ZFAT: variants seen among roughly 807,000 people sequenced by gnomAD.
ZFAT encodes the protein zinc finger and AT-hook domain containing.
In ZFAT, 64 loss-of-function variants were observed where a neutral mutation model predicts 117.7. That is an observed-to-expected ratio of 0.54 (90% CI 0.44 to 0.67). The LOEUF (loss-of-function observed/expected upper bound fraction) is 0.67, where lower values mean the gene tolerates loss of function less well. ZFAT is among the 30% of genes least tolerant of loss of function. The pLI is 0.00. For synonymous variants in ZFAT, 679 were observed against 615.0 expected, an observed-to-expected ratio of 1.10 and a Z score of -1.54; for missense variants, 1,433 against 1,584.5, an observed-to-expected ratio of 0.90 and a Z score of 1.62.
intron 4 of ZFAT, among the ~76,000 whole-genome samples, chr8:134,609,829 T>C (rs1489834225): frequency 1.3e-5 from 2 of 152,230 alleles, no homozygotes; most frequent in Non-Finnish European, 2.9e-5. Flanking sequence ...TGGAAATTTC[T>C]AGTATTATAT....
intron 1 of ZFAT, among the ~76,000 whole-genome samples, chr8:134,658,503 G>A (rs906614513): frequency 5.3e-5 from 8 of 152,040 alleles, no homozygotes; most frequent in African/African-American, 1.5e-4. Flanking sequence ...TCAATGAAAC[G>A]GCAGGAATTT....
At position 134,600,768 on chromosome 8, in the gene ZFAT, T is replaced by G. The variant is rs1239883030; in HGVS notation, c.2243-100A>C. The G allele has an allele frequency of 1.5e-5, 15 of 975,946 alleles. No individual in the cohort carries two copies. The South Asian group carries it at 2.7e-4, about 17-fold the overall frequency. The allele number at this position is 975,946 out of a possible 1,614,324, so 60.5% of individuals were successfully genotyped here. On this transcript the variant is annotated intron_variant, in intron 6 of 15. Transcript: ENST00000377838. ...TTTTTATCTACAATATCTATCTCCC[T>G]CTTGCGCTTGTCCGGGTCACCCTTC... is the stretch of plus-strand genomic sequence containing the variant.
chr8:134,643,005 G>C (rs1017570228), intron 2 of ZFAT, among the ~76,000 whole-genome samples: 13 of 152,334 alleles, frequency 8.5e-5, no homozygotes, highest in South Asian at 4.1e-4. Context: ...TCCCAAGCTT[G>C]CTCCTTGTAC....
upstream of ZFAT, among the ~76,000 whole-genome samples, chr8:134,714,337 T>C (rs1814165394): frequency 6.6e-6 from 1 of 152,138 alleles, no homozygotes; most frequent in Non-Finnish European, 1.5e-5. Context: ...ATCCCCCACT[T>C]CTCTGTTTGC....
At chr8:134,608,021 A>G (rs892429996) in intron 5 of ZFAT, among the ~76,000 whole-genome samples, 2 of 152,236 alleles carry the variant, frequency 1.3e-5, no homozygotes, top group Admixed American at 1.3e-4. Context: ...CCAAAACATT[A>G]ATCACTGCAT....
At chr8:134,703,346 G>C (rs1282132976) in intron 1 of ZFAT, among the ~76,000 whole-genome samples, 1 of 152,072 alleles carries the variant, frequency 6.6e-6, no homozygotes, top group Non-Finnish European at 1.5e-5. Context: ...AATTAGTTTT[G>C]TCTGCCTTAC....
At chr8:134,650,201 C>T (rs952738357) in intron 2 of ZFAT, among the ~76,000 whole-genome samples, 17 of 151,320 alleles carry the variant, frequency 1.1e-4, no homozygotes, top group Non-Finnish European at 2.4e-4. Flanking sequence ...TGGCTCACTG[C>T]AACCTCTGCC....
intron 1 of ZFAT, among the ~76,000 whole-genome samples, chr8:134,665,650 G>T (rs1832175740): frequency 6.6e-6 from 1 of 152,202 alleles, no homozygotes; most frequent in African/African-American, 2.4e-5. Flanking sequence ...ATAGAATACA[G>T]ACAGCCCCCG....
At chr8:134,639,576 G>A (rs1338458529) in intron 2 of ZFAT, among the ~76,000 whole-genome samples, 1 of 152,194 alleles carries the variant, frequency 6.6e-6, no homozygotes, top group East Asian at 1.9e-4. Context: ...AAAAGCCTGT[G>A]TTTACAGGAG....
At chr8:134,499,664 T>C (rs2130253802) in intron 15 of ZFAT, among the ~76,000 whole-genome samples, 1 of 152,266 alleles carries the variant, frequency 6.6e-6, no homozygotes, top group Admixed American at 6.5e-5. Flanking sequence ...ACACAGAGCC[T>C]GATTTGGGAG....
intron 3 of ZFAT, among the ~76,000 whole-genome samples, chr8:134,624,833 C>A (rs977482339): frequency 2.0e-5 from 3 of 152,180 alleles, no homozygotes; most frequent in African/African-American, 7.2e-5. Flanking sequence ...TAAATGCAAT[C>A]ACACATTTGT....
chr8:134,604,999 T>G (rs918628452), intron 5 of ZFAT, among the ~76,000 whole-genome samples: 1 of 152,220 alleles, frequency 6.6e-6, no homozygotes, highest in African/African-American at 2.4e-5. Flanking sequence ...AAGATCTAAA[T>G]GGTCTTAGGA....
At chr8:134,761,442 C>T in the ZFAT span, among the ~76,000 whole-genome samples, 1 of 151,882 alleles carries the variant, frequency 6.6e-6, no homozygotes, top group Non-Finnish European at 1.5e-5. Flanking sequence ...TGGCTCACAC[C>T]TGTAATTCCA....
At chr8:134,710,260 G>A (rs769806913) in intron 1 of ZFAT, among the ~76,000 whole-genome samples, 5 of 152,194 alleles carry the variant, frequency 3.3e-5, no homozygotes, top group Non-Finnish European at 7.3e-5. Flanking sequence ...TGGAGCCAGA[G>A]GATAGGAAGG....
At position 134,637,611 on chromosome 8, in the gene ZFAT, C is replaced by A; in HGVS notation, c.298G>T (p.Asp100Tyr). Residue 100 changes from aspartate (D) to tyrosine (Y), a missense_variant, in exon 3 of 16, where the codon GAC (aspartate) becomes TAC (tyrosine). Coordinates refer to ENST00000377838, the MANE Select transcript of ZFAT (RefSeq NM_020863.4). ...LAENIVSPTE[D>Y]SPLAPEEGNS... ...CCTTCCTCCGGAGCCAGCGGGCTGTCCTCAGTCGGACTCACGATGTTTTCT... is the reference window on the plus strand; with the variant it reads ...CCTTCCTCCGGAGCCAGCGGGCTGTACTCAGTCGGACTCACGATGTTTTCT... 6.2e-7 allele frequency: 1 copy of A among 1,614,226 alleles called. No individual in the cohort carries two copies. The highest frequency in any genetic ancestry group is 8.5e-7 in the Non-Finnish European group (1 of 1,180,050).
the ZFAT span, among the ~76,000 whole-genome samples, chr8:134,760,763 G>C: frequency 6.6e-6 from 1 of 152,192 alleles, no homozygotes; most frequent in Non-Finnish European, 1.5e-5. Flanking sequence ...TTTTCAAAAA[G>C]CAGTCTAATT....
At chr8:134,499,362 C>G (rs571561437) in intron 15 of ZFAT, among the ~76,000 whole-genome samples, 2 of 148,810 alleles carry the variant, frequency 1.3e-5, no homozygotes, top group Non-Finnish European at 3.0e-5. Context: ...TGGTTACACA[C>G]AGAGCCTGAT....
intron 11 of ZFAT, among the ~76,000 whole-genome samples, chr8:134,546,198 A>G (rs914784389): frequency 6.6e-6 from 1 of 152,210 alleles, no homozygotes; most frequent in Non-Finnish European, 1.5e-5. Context: ...ATTTCTCTCT[A>G]AAGACCCAGT....
chr8:134,610,431 A>G, intron 4 of ZFAT, 39 bp downstream of exon 4: 1 of 1,586,638 alleles, frequency 6.3e-7, no homozygotes, highest in Non-Finnish European at 8.6e-7. Flanking sequence ...CAGACTTGCC[A>G]AGGGTCTTGC....
Sources: allele counts gnomAD v4.1 joint callset (sites outside exome capture counted in the v4.1 genomes callset), GRCh38; gene constraint gnomAD v4.1.1; transcripts MANE v1.5; gene names NCBI Gene and HGNC (gene_info 2026-07-23, HGNC 2026-07-21).